HS6ST3: variants seen among roughly 807,000 people sequenced by gnomAD.
HS6ST3 encodes the protein heparan-sulfate 6-O-sulfotransferase 3.
In HS6ST3, 12 loss-of-function variants were observed where a neutral mutation model predicts 36.7. That is an observed-to-expected ratio of 0.33 (90% CI 0.21 to 0.53). The LOEUF is 0.53. Among genes scored for constraint, HS6ST3 ranks in the 20% least tolerant of loss-of-function variants. The pLI is 0.95. For missense variants in HS6ST3, 584 were observed against 640.9 expected (o/e 0.91, Z 0.96); for synonymous variants, 240 against 257.5 (o/e 0.93, Z 0.65).
At chr13:96,473,516 T>A (rs1308963706) in intron 1 of HS6ST3, among the ~76,000 whole-genome samples, 1 of 152,202 alleles carries the variant, frequency 6.6e-6, no homozygotes, top group Non-Finnish European at 1.5e-5. Flanking sequence ...GATGAAATCC[T>A]AAGTGTCTGG....
chr13:96,203,476 T>G (rs527413572), intron 1 of HS6ST3, among the ~76,000 whole-genome samples: 6 of 152,202 alleles, frequency 3.9e-5, no homozygotes, highest in African/African-American at 1.2e-4. Flanking sequence ...TTTCAACATA[T>G]GGATTCTGGG....
intron 1 of HS6ST3, among the ~76,000 whole-genome samples, chr13:96,791,886 A>G (rs111318523): frequency 5.1e-4 from 78 of 152,120 alleles, no homozygotes; most frequent in African/African-American, 1.6e-3. Context: ...TATGAGGCAA[A>G]CTAATATGGT....
chr13:96,168,601 G>A (rs1053519699), intron 1 of HS6ST3, among the ~76,000 whole-genome samples: 4 of 151,770 alleles, frequency 2.6e-5, no homozygotes, highest in Admixed American at 6.6e-5. Flanking sequence ...CTACTCAGGA[G>A]GCTAAGGCAG....
intron 1 of HS6ST3, among the ~76,000 whole-genome samples, chr13:96,528,996 G>A (rs2056125443): frequency 6.6e-6 from 1 of 151,832 alleles, no homozygotes. Context: ...TTCTTACCAT[G>A]GCATATATTT....
In HS6ST3 at chr13:96,216,993, C is replaced by T. The variant is rs573706347; in HGVS notation, c.707+125424C>T. ...CTCTGCAGAGAGAAGTCACTGTGAC[C>T]ACACCCTGTCTTCTCTCTCTTTCTG... On this transcript the variant is annotated intron_variant, in intron 1 of 1. Coordinates refer to ENST00000376705, the MANE Select transcript of HS6ST3 (RefSeq NM_153456.4). Among the ~76,000 whole-genome samples, 137 of 152,222 alleles carry T rather than the reference C, an allele frequency of 9.0e-4. No homozygotes were observed. In the Middle Eastern group the frequency reaches 0.01, roughly 11 times the overall value.
At chr13:96,764,532 TTCTC>T (rs1216118963) in intron 1 of HS6ST3, among the ~76,000 whole-genome samples, 2 of 152,196 alleles carry the variant, frequency 1.3e-5, no homozygotes, top group African/African-American at 4.8e-5. Flanking sequence ...TGCCCACTCA[TTCTC>T]TCAGCATCGA....
At chr13:96,483,182 T>A (rs981454788) in intron 1 of HS6ST3, among the ~76,000 whole-genome samples, 1 of 152,202 alleles carries the variant, frequency 6.6e-6, no homozygotes, top group South Asian at 2.1e-4. Context: ...TGCATTTAAC[T>A]GTGGGAATGG....
intron 1 of HS6ST3, among the ~76,000 whole-genome samples, chr13:96,339,097 C>T (rs1442980645): frequency 6.6e-6 from 1 of 152,070 alleles, no homozygotes; most frequent in South Asian, 2.1e-4. Context: ...ATGAAGTGTG[C>T]AGCTCCTCCA....
Position 96,745,952 on chromosome 13 carries a change from G to A in HS6ST3, c.708-86538G>A, listed in dbSNP as rs1876550427. On this transcript the variant is annotated intron_variant, in intron 1 of 1. Coordinates refer to ENST00000376705, the MANE Select transcript of HS6ST3 (RefSeq NM_153456.4). The stretch of plus-strand genomic sequence containing the variant: ...AAGCCCAGGCAGTGTGTTGTAGCAT[G>A]TATAGTAGCAGTTTCTGATTGGTTT... Among the ~76,000 whole-genome samples the A allele has an allele frequency of 2.0e-5, 3 of 151,980 alleles. No individual in the cohort carries two copies. In the South Asian group the frequency reaches 6.2e-4, roughly 31 times the overall value.
At chr13:96,665,275 A>G (rs1485351618) in intron 1 of HS6ST3, among the ~76,000 whole-genome samples, 1 of 152,234 alleles carries the variant, frequency 6.6e-6, no homozygotes, top group Non-Finnish European at 1.5e-5. Context: ...GATGTATAAG[A>G]TACATTTCAA....
chr13:96,284,890 T>C (rs1218604706), intron 1 of HS6ST3, among the ~76,000 whole-genome samples: 1 of 150,752 alleles, frequency 6.6e-6, no homozygotes, highest in Non-Finnish European at 1.5e-5. Context: ...TCTTAGGGCT[T>C]TAAGATTGAA....
intron 1 of HS6ST3, among the ~76,000 whole-genome samples, chr13:96,642,407 G>A (rs1481027770): frequency 6.6e-6 from 1 of 151,868 alleles, no homozygotes; most frequent in Non-Finnish European, 1.5e-5. Context: ...GAGCTTATTG[G>A]TTGTGTAGAT....
chr13:96,641,629 A>G (rs2056570471), intron 1 of HS6ST3, among the ~76,000 whole-genome samples: 1 of 151,752 alleles, frequency 6.6e-6, no homozygotes, highest in East Asian at 1.9e-4. Flanking sequence ...TTTCTGGTGT[A>G]CCATTTTAGT....
chr13:96,160,786 A>T (rs1258405285), intron 1 of HS6ST3, among the ~76,000 whole-genome samples: 4 of 152,254 alleles, frequency 2.6e-5, no homozygotes, highest in African/African-American at 9.6e-5. Flanking sequence ...CTGATGGGGC[A>T]GATGGATGTA....
At chr13:96,832,208 T>C (rs1878813509) in intron 1 of HS6ST3, among the ~76,000 whole-genome samples, 2 of 152,156 alleles carry the variant, frequency 1.3e-5, no homozygotes, top group Middle Eastern at 3.2e-3. Context: ...AGTGAATAAT[T>C]GCTGAACGAA....
At chr13:96,105,822 A>G (rs2053839003) in intron 1 of HS6ST3, among the ~76,000 whole-genome samples, 1 of 152,218 alleles carries the variant, frequency 6.6e-6, no homozygotes, top group African/African-American at 2.4e-5. Flanking sequence ...ATACAAATTG[A>G]GTAGAATACT....
chr13:96,244,762 C>G (rs1171130738), intron 1 of HS6ST3, among the ~76,000 whole-genome samples: 28 of 152,264 alleles, frequency 1.8e-4, no homozygotes, highest in Non-Finnish European at 1.5e-5. Context: ...GAGATATATT[C>G]TGCCAGGGAT....
chr13:96,284,300 G>A (rs891001957), intron 1 of HS6ST3, among the ~76,000 whole-genome samples: 3 of 152,140 alleles, frequency 2.0e-5, no homozygotes, highest in Non-Finnish European at 4.4e-5. Context: ...ACAATAGGCT[G>A]TCTGCAAGCT....
At position 96,485,897 on chromosome 13, in the gene HS6ST3, G is replaced by A. The variant is rs572434599; in HGVS notation, c.708-346593G>A. 3.3e-3 allele frequency among the ~76,000 whole-genome samples: 498 copies of A among 152,064 alleles called. 3 individuals carry two copies. Among genetic ancestry groups the A allele is most frequent in the African/African-American group, 7.0e-3 (292 of 41,464 alleles). ...TTTTTATTATACTTTAAGTTTTAGG[G>A]TACATGTGCACAACGTGCAGGTTAG... On this transcript the variant is annotated intron_variant, in intron 1 of 1. Transcript: ENST00000376705.
Sources: gnomAD v4.1 joint callset for allele counts (sites outside exome capture counted in the v4.1 genomes callset) on GRCh38, gnomAD v4.1.1 for gene constraint, MANE v1.5 for transcripts, NCBI Gene and HGNC (gene_info 2026-07-23, HGNC 2026-07-21) for gene names.